The following RABGAP1 variants were observed in gnomAD, a reference collection of about 807,000 sequenced individuals.
RABGAP1 encodes RAB GTPase activating protein 1.
A neutral mutation model predicts 137.6 loss-of-function variants in RABGAP1; 23 were observed. The ratio of observed to expected loss-of-function variants is 0.17; its 90% CI spans 0.12 to 0.24. The LOEUF (loss-of-function observed/expected upper bound fraction) is 0.24, where lower values mean the gene tolerates loss of function less well. Among genes scored for constraint, RABGAP1 ranks in the 10% least tolerant of loss-of-function variants. RABGAP1 has a pLI of 1.00. For missense variants in RABGAP1, 906 were observed against 1,275.8 expected, an observed-to-expected ratio of 0.71 and a Z score of 4.42; for synonymous variants, 451 against 450.7, an observed-to-expected ratio of 1.00 and a Z score of -0.01.
At chr9:123,031,259 T>C (rs560295041) in intron 13 of RABGAP1, among the ~76,000 whole-genome samples, 3 of 152,318 alleles carry the variant, frequency 2.0e-5, no homozygotes, top group East Asian at 3.9e-4. Context: ...TTTTTCTGTT[T>C]ATTGAAATAC....
At chr9:123,075,058 C>T (rs10985882) in intron 17 of RABGAP1, among the ~76,000 whole-genome samples, 7,150 of 151,968 alleles carry the variant, frequency 0.047, 241 homozygotes, top group Non-Finnish European at 0.066. Context: ...TTTGCCATGA[C>T]GTAATTTTGG....
chr9:123,040,727 T>G (rs937409529), intron 13 of RABGAP1, among the ~76,000 whole-genome samples: 2 of 152,210 alleles, frequency 1.3e-5, no homozygotes, highest in Non-Finnish European at 2.9e-5. Context: ...CCGCTCATCT[T>G]AGTTTTCATG....
chr9:122,950,373 C>CTTTTTTTTTTTTTTTTTT (rs1834164826), intron 1 of RABGAP1, among the ~76,000 whole-genome samples: 1 of 48,800 alleles, frequency 2.0e-5, no homozygotes, highest in African/African-American at 7.9e-5. Flanking sequence ...TTTTCTTTTT[C>CTTTTTTTTTTTTTTTTTT]TTTCTTTTTT....
intron 6 of RABGAP1, among the ~76,000 whole-genome samples, chr9:122,992,622 A>G (rs79416084): frequency 0.016 from 2,390 of 150,834 alleles, 36 homozygotes; most frequent in South Asian, 0.066. Context: ...TATAATAAAT[A>G]CTGTTATGTT....
At chr9:122,983,367 T>G (rs1836188070) in intron 2 of RABGAP1, among the ~76,000 whole-genome samples, 1 of 152,192 alleles carries the variant, frequency 6.6e-6, no homozygotes, top group Non-Finnish European at 1.5e-5. Context: ...GAGGTCTTTA[T>G]TTCTAAGGCA....
intron 13 of RABGAP1, among the ~76,000 whole-genome samples, chr9:123,038,226 A>G (rs41508547): frequency 0.017 from 2,620 of 152,186 alleles, 85 homozygotes; most frequent in African/African-American, 0.06. Flanking sequence ...TCACGGGCCT[A>G]TTGACTCTTA....
intron 15 of RABGAP1, chr9:123,071,520 C>T (rs2034355637): frequency 6.6e-6 from 1 of 152,204 alleles, no homozygotes. Flanking sequence ...GAGACATGGT[C>T]TCAATCCTCC....
At chr9:123,005,336 T>A in intron 10 of RABGAP1, among the ~76,000 whole-genome samples, 1 of 151,816 alleles carries the variant, frequency 6.6e-6, no homozygotes, top group Admixed American at 6.6e-5. Flanking sequence ...CTTATAAATG[T>A]CATAATTATG....
chr9:122,946,837 G>T (rs560523386), intron 1 of RABGAP1, among the ~76,000 whole-genome samples: 2 of 152,242 alleles, frequency 1.3e-5, no homozygotes, highest in South Asian at 4.1e-4. Context: ...AGAGTTAAAT[G>T]AACTCTGTTT....
Position 123,005,722 on chromosome 9 carries a change from A to G in RABGAP1, c.1375-4632A>G, listed in dbSNP as rs909681905. On this transcript the variant is annotated intron_variant, in intron 10 of 25. Coordinates refer to ENST00000373647, the MANE Select transcript of RABGAP1 (RefSeq NM_012197.4). The stretch of plus-strand genomic sequence containing the variant: ...TGTTCCAAATAATGTTGCAGTGTGG[A>G]ATCTTATGTATGTGTTATTTTGATT... 1.2e-4 allele frequency among the ~76,000 whole-genome samples: 18 copies of G among 152,120 alleles called. No homozygotes were observed. The East Asian group carries it at 3.5e-3, about 29-fold the overall frequency.
In RABGAP1 at chr9:122,956,422, C is replaced by T. The variant is rs543237039; in HGVS notation, c.-49-589C>T. ...TAAAAATTAGACGGTAGGCCGAGAC[C>T]GGCGGATCACGAGGTCAGGAGATCA... is the stretch of plus-strand genomic sequence containing the variant. On this transcript the variant is annotated intron_variant, in intron 1 of 25. Coordinates refer to ENST00000373647, the MANE Select transcript of RABGAP1 (RefSeq NM_012197.4). Among the ~76,000 whole-genome samples the T allele has an allele frequency of 7.2e-5, 11 of 152,172 alleles. No individual in the cohort carries two copies. In the East Asian group the frequency reaches 1.4e-3, roughly 19 times the overall value.
chr9:123,087,346 T>G (rs1267439104), intron 19 of RABGAP1, among the ~76,000 whole-genome samples: 6 of 151,352 alleles, frequency 4.0e-5, no homozygotes, highest in African/African-American at 9.7e-5. Flanking sequence ...TGTCAATTTG[T>G]TTTTTTTTAA....
intron 19 of RABGAP1, chr9:123,076,980 T>A (rs2034530580): frequency 5.0e-6 from 1 of 198,406 alleles, no homozygotes; most frequent in Admixed American, 6.3e-5. Context: ...CTATATATTA[T>A]AATCCTACGA....
chr9:123,018,598 G>A (rs888734424), intron 12 of RABGAP1, among the ~76,000 whole-genome samples: 1 of 152,202 alleles, frequency 6.6e-6, no homozygotes, highest in Non-Finnish European at 1.5e-5. Flanking sequence ...CAGGGATTGG[G>A]TTAGCAGCAG....
the RABGAP1 span, among the ~76,000 whole-genome samples, chr9:122,934,081 C>CTT: frequency 4.3e-5 from 6 of 139,680 alleles, no homozygotes; most frequent in Admixed American, 7.2e-5. Flanking sequence ...CTTTTCTTTT[C>CTT]TTTTTTTTTT....
chr9:123,095,746 A>AT (rs1242563570), intron 21 of RABGAP1, among the ~76,000 whole-genome samples: 2 of 151,674 alleles, frequency 1.3e-5, no homozygotes, highest in African/African-American at 4.8e-5. Flanking sequence ...TGTAAGCACT[A>AT]TTTTCAGCTG....
intron 2 of RABGAP1, among the ~76,000 whole-genome samples, chr9:122,959,902 G>A (rs1564360613): frequency 6.6e-6 from 1 of 152,196 alleles, no homozygotes; most frequent in East Asian, 1.9e-4. Flanking sequence ...CTAACCCTGG[G>A]GTGTCACTCA....
intron 13 of RABGAP1, among the ~76,000 whole-genome samples, chr9:123,023,745 ATTATAC>A (rs2031790923): frequency 6.6e-6 from 1 of 152,238 alleles, no homozygotes; most frequent in African/African-American, 2.4e-5. Context: ...ATTTGTACAT[ATTATAC>A]TTATTTAGAC....
At chr9:122,952,437 T>G (rs189524966) in intron 1 of RABGAP1, among the ~76,000 whole-genome samples, 10 of 152,094 alleles carry the variant, frequency 6.6e-5, no homozygotes, top group African/African-American at 2.2e-4. Flanking sequence ...TTTTTTTTCT[T>G]TTTTGTATTT....
Sources: gnomAD v4.1 joint callset for allele counts (sites outside exome capture counted in the v4.1 genomes callset) on GRCh38, gnomAD v4.1.1 for gene constraint, MANE v1.5 for transcripts, NCBI Gene and HGNC (gene_info 2026-07-23, HGNC 2026-07-21) for gene names.